Variants in RUNX2 observed in about 807,000 individuals in gnomAD.
The protein encoded by RUNX2 is runt-related transcription factor 2.
A neutral mutation model predicts 51.7 loss-of-function variants in RUNX2; 10 were observed. That is an observed-to-expected ratio of 0.19 (90% confidence interval 0.12 to 0.33). The LOEUF (loss-of-function observed/expected upper bound fraction) is 0.33, where lower values mean the gene tolerates loss of function less well. RUNX2 is among the 10% of genes least tolerant of loss of function. The pLI, the probability that RUNX2 is intolerant of heterozygous loss-of-function variation, is 1.00. For synonymous variants in RUNX2, 276 were observed against 273.6 expected (o/e 1.01, Z -0.09); for missense variants, 562 against 691.3 (o/e 0.81, Z 2.10).
intron 2 of RUNX2, among the ~76,000 whole-genome samples, chr6:45,395,304 A>G (rs1007047457): frequency 3.3e-5 from 5 of 152,218 alleles, no homozygotes; most frequent in African/African-American, 4.8e-5. Flanking sequence ...TCAGTCTCAT[A>G]CATAGAAATA....
chr6:45,356,690 C>T (rs1324574710), intron 2 of RUNX2, among the ~76,000 whole-genome samples: 1 of 152,144 alleles, frequency 6.6e-6, no homozygotes, highest in Non-Finnish European at 1.5e-5. Flanking sequence ...TAGGTGTGAG[C>T]CACCTCGCCT....
intron 5 of RUNX2, among the ~76,000 whole-genome samples, chr6:45,477,184 C>T (rs1309609381): frequency 1.3e-5 from 2 of 152,176 alleles, no homozygotes; most frequent in Non-Finnish European, 2.9e-5. Flanking sequence ...CTTTCTCTTT[C>T]CTAGATCACT....
intron 6 of RUNX2, among the ~76,000 whole-genome samples, chr6:45,493,818 G>A (rs1261013638): frequency 1.3e-5 from 2 of 151,552 alleles, no homozygotes; most frequent in Non-Finnish European, 2.9e-5. Context: ...GATTTGTAAT[G>A]GATTTATGAT....
At chr6:45,453,974 T>C (rs1426209248) in intron 5 of RUNX2, among the ~76,000 whole-genome samples, 1 of 152,234 alleles carries the variant, frequency 6.6e-6, no homozygotes, top group Non-Finnish European at 1.5e-5. Flanking sequence ...TATTATATAT[T>C]GGTTCTATAT....
intron 5 of RUNX2, among the ~76,000 whole-genome samples, chr6:45,490,422 T>C: frequency 6.6e-6 from 1 of 152,180 alleles, no homozygotes; most frequent in South Asian, 2.1e-4. Flanking sequence ...GGAACACGTT[T>C]GGCCGTGGAG....
chr6:45,444,587 C>T (rs967654587), intron 5 of RUNX2, among the ~76,000 whole-genome samples: 4 of 152,234 alleles, frequency 2.6e-5, no homozygotes, highest in African/African-American at 9.6e-5. Context: ...CTGCTTCACT[C>T]AGCTTGTTAG....
chr6:45,400,986 A>G (rs1444031257), intron 2 of RUNX2, among the ~76,000 whole-genome samples: 1 of 152,132 alleles, frequency 6.6e-6, no homozygotes, highest in African/African-American at 2.4e-5. Flanking sequence ...TTAATGTAGA[A>G]TCTAGGTGGT....
chr6:45,546,757 G>T lies in RUNX2; in HGVS notation c.1088-70G>T. On this transcript the variant is annotated intron_variant, in intron 8 of 8. Transcript: ENST00000647337. ...CTAAAGTTTTCTCTTTTTTTTTCTT[G>T]TAACAATTCTATCATTATTTTAATT... 9.9e-5 allele frequency: 129 copies of T among 1,300,502 alleles called. No homozygotes were observed. The Admixed American group carries it at 1.0e-3, about 10-fold the overall frequency. The allele number at this position is 1,300,502 out of a possible 1,614,324, so 80.6% of individuals were successfully genotyped here. A position where few individuals can be genotyped will look rare whatever the true frequency, so the allele number is the denominator to read the frequency against.
rs139514226 is a variant in RUNX2 at position 45,512,346 on chromosome 6, G to T, written c.960G>T (p.Pro320=). The change falls in exon 7 of 9, where the codon CCG becomes CCT. Residue 320 remains proline, a synonymous_variant. Transcript: ENST00000647337. The part of the protein sequence containing the change: ...MTSPSIHSTT[P]LSSTRGTGLP... ...CCCCGTCCATCCACTCTACCACCCC[G>T]CTGTCTTCCACACGGGGCACTGGGC... is the stretch of plus-strand genomic sequence containing the variant. The T allele has an allele frequency of 6.2e-7, 1 of 1,613,944 alleles. No homozygotes were observed.
intron 3 of RUNX2, among the ~76,000 whole-genome samples, chr6:45,430,164 T>C (rs1388390064): frequency 2.6e-5 from 4 of 151,988 alleles, no homozygotes; most frequent in Non-Finnish European, 5.9e-5. Flanking sequence ...TGATAAGTGG[T>C]GAACAAGACA....
intron 2 of RUNX2, among the ~76,000 whole-genome samples, chr6:45,372,706 T>C (rs1796251113): frequency 6.6e-6 from 1 of 152,178 alleles, no homozygotes; most frequent in Non-Finnish European, 1.5e-5. Flanking sequence ...TTGCTCAGGA[T>C]GGAGTACAGT....
intron 5 of RUNX2, among the ~76,000 whole-genome samples, chr6:45,463,948 C>T (rs1799552064): frequency 6.6e-6 from 1 of 152,162 alleles, no homozygotes; most frequent in South Asian, 2.1e-4. Flanking sequence ...AATCCCAGCA[C>T]ATTGGGAGGC....
intron 2 of RUNX2, among the ~76,000 whole-genome samples, chr6:45,405,626 T>A (rs1415410772): frequency 6.6e-6 from 1 of 152,132 alleles, no homozygotes; most frequent in Non-Finnish European, 1.5e-5. Flanking sequence ...CCGTCTCTAC[T>A]GAAAATACAA....
At chr6:45,522,033 A>C (rs543048772) in intron 7 of RUNX2, among the ~76,000 whole-genome samples, 1 of 152,344 alleles carries the variant, frequency 6.6e-6, no homozygotes, top group Admixed American at 6.5e-5. Flanking sequence ...TAATTCAGGT[A>C]ATAATTTCTG....
chr6:45,545,405 CA>C, intron 8 of RUNX2, 123 bp downstream of exon 8: 1 of 1,047,976 alleles, frequency 9.5e-7, no homozygotes, highest in Non-Finnish European at 1.4e-6. Flanking sequence ...CTTTTTATTA[CA>C]AATGCACATC....
chr6:45,456,499 C>G (rs749184172), intron 5 of RUNX2, among the ~76,000 whole-genome samples: 1 of 152,154 alleles, frequency 6.6e-6, no homozygotes, highest in Non-Finnish European at 1.5e-5. Flanking sequence ...ACATTCTTCT[C>G]CTTGCTTTTC....
At chr6:45,491,411 C>G (rs555643648) in intron 5 of RUNX2, among the ~76,000 whole-genome samples, 7 of 152,008 alleles carry the variant, frequency 4.6e-5, no homozygotes, top group South Asian at 2.1e-4. Flanking sequence ...TTTAATTTTC[C>G]AGAAAAGAGT....
intron 7 of RUNX2, among the ~76,000 whole-genome samples, chr6:45,518,915 C>T (rs900546772): frequency 1.4e-4 from 22 of 152,090 alleles, no homozygotes; most frequent in East Asian, 3.9e-4. Flanking sequence ...GAAGAGGGGG[C>T]GCAGTTTAAC....
intron 2 of RUNX2, among the ~76,000 whole-genome samples, chr6:45,382,715 G>A (rs1297568115): frequency 6.6e-6 from 1 of 152,180 alleles, no homozygotes; most frequent in Non-Finnish European, 1.5e-5. Context: ...GACACTGAGA[G>A]GCTATTGGCA....
Sources: gnomAD v4.1 joint callset for allele counts (sites outside exome capture counted in the v4.1 genomes callset) on GRCh38, gnomAD v4.1.1 for gene constraint, MANE v1.5 for transcripts, NCBI Gene and HGNC (gene_info 2026-07-23, HGNC 2026-07-21) for gene names.